Variants in GMNN observed in about 807,000 individuals in gnomAD.
The protein encoded by GMNN is geminin.
In GMNN, 14 loss-of-function variants were observed where a neutral mutation model predicts 20.9. The observed-to-expected ratio is 0.67, with a 90% CI of 0.44 to 1.05. GMNN has a LOEUF of 1.05. Among genes scored for constraint, GMNN ranks in the 50% least tolerant of loss-of-function variants. The probability of loss-of-function intolerance (pLI) is 0.00; values close to 1 mark genes in which losing one functional copy is unlikely to be tolerated. For missense variants in GMNN, 227 were observed against 243.8 expected (o/e 0.93, Z 0.46); for synonymous variants, 81 against 85.8 (o/e 0.94, Z 0.31).
At chr6:24,776,023 C>G (rs775118392) in intron 1 of GMNN, among the ~76,000 whole-genome samples, 2 of 152,102 alleles carry the variant, frequency 1.3e-5, no homozygotes, top group Non-Finnish European at 2.9e-5. Flanking sequence ...TACTGGGGCC[C>G]GAACACCATT....
chr6:24,782,313 C>T (rs1021973000), intron 4 of GMNN, among the ~76,000 whole-genome samples: 2 of 151,962 alleles, frequency 1.3e-5, no homozygotes, highest in Non-Finnish European at 1.5e-5. Context: ...AAGAATTATG[C>T]CTATAATAAG....
chr6:24,776,984 G>A (rs1780088647), intron 1 of GMNN: 1 of 267,958 alleles, frequency 3.7e-6, no homozygotes, highest in Non-Finnish European at 7.0e-6. Flanking sequence ...TTAGAAATTG[G>A]TTTAAAATAC....
At chr6:24,779,803 AT>A (rs1006234420) in intron 2 of GMNN, among the ~76,000 whole-genome samples, 2 of 152,256 alleles carry the variant, frequency 1.3e-5, no homozygotes, top group African/African-American at 4.8e-5. Context: ...TTGTTTACAT[AT>A]TACAAGGAAG....
intron 4 of GMNN, among the ~76,000 whole-genome samples, chr6:24,783,549 C>T (rs1484948414): frequency 1.3e-5 from 2 of 152,072 alleles, no homozygotes; most frequent in Non-Finnish European, 2.9e-5. Flanking sequence ...AAAAAGTTAT[C>T]TTTACAAGGC....
chr6:24,785,645 A>G lies in GMNN; in HGVS notation c.476A>G (p.Asn159Ser). 1 of 1,483,340 alleles carries G rather than the reference A, an allele frequency of 6.7e-7. No individual in the cohort carries two copies. Among genetic ancestry groups the G allele is most frequent in the South Asian group, 1.2e-5 (1 of 83,412 alleles). 91.9% of individuals were successfully genotyped at this position (1,483,340 alleles called of 1,614,324 possible). The change falls in exon 7 of 7, where the codon AAT (asparagine) becomes AGT (serine). Residue 159 changes from asparagine to serine, a missense_variant. Asn to Ser is a conservative substitution (Grantham distance 46). Transcript: ENST00000230056. ...QYMAELIERLNGEPLDNFESL... is the reference protein window; with the variant it reads ...QYMAELIERLSGEPLDNFESL... ...TGGTTTATTCTTTAAAAGAGACTGA[A>G]TGGTGAACCTCTGGATAATTTTGAA...
chr6:24,775,777 T>A (rs945986487), intron 1 of GMNN: 1 of 152,252 alleles, frequency 6.6e-6, no homozygotes, highest in African/African-American at 2.4e-5. Flanking sequence ...GTGGGAAACT[T>A]GTGAAGGATT....
chr6:24,781,673 A>C (rs1354297445), intron 4 of GMNN, 52 bp downstream of exon 4: 1 of 811,202 alleles, frequency 1.2e-6, no homozygotes, highest in Admixed American at 2.7e-5. Flanking sequence ...GATATAAGGA[A>C]AAATTTGTTA....
Position 24,780,691 on chromosome 6 carries a change from A to G in GMNN, c.80A>G (p.Lys27Arg). ...AGTTCTGTCCCAAGAAGAACTCTGA[A>G]GATGATTCAGCCTTCTGCATCTGGA... ...KNSSVPRRTL[K>R]MIQPSASGSL... The change falls in exon 3 of 7, where the codon AAG (lysine) becomes AGG (arginine). Residue 27 changes from lysine (K) to arginine (R), a missense_variant. By Grantham distance (26) the Lys-to-Arg change is conservative. Coordinates refer to ENST00000230056, the MANE Select transcript of GMNN (RefSeq NM_015895.5). 6.3e-7 allele frequency: 1 copy of G among 1,599,510 alleles called. No individual in the cohort carries two copies. The highest frequency in any genetic ancestry group is 8.6e-7 in the Non-Finnish European group (1 of 1,166,830).
Position 24,782,646 on chromosome 6 carries a change from CAT to C in GMNN, c.274+1028_274+1029del, listed in dbSNP as rs1201463141. Among the ~76,000 whole-genome samples the C allele has an allele frequency of 2.0e-5, 3 of 152,116 alleles. No homozygotes were observed. The East Asian group carries it at 5.8e-4, about 29-fold the overall frequency. On this transcript the variant is annotated intron_variant, in intron 4 of 6. Coordinates refer to ENST00000230056, the MANE Select transcript of GMNN (RefSeq NM_015895.5). ...ATTGAAGAGCAGGATTTGTGACACTCATATCTGATTAGGTTAAAAATTAAATC... is the reference window on the plus strand; with the variant it reads ...ATTGAAGAGCAGGATTTGTGACACTCATCTGATTAGGTTAAAAATTAAATC...
At position 24,776,074 on chromosome 6, in the gene GMNN, C is replaced by T. The variant is rs553317546; in HGVS notation, c.-26+830C>T. Reference sequence around the variant, plus strand: ...AGAGTAGAAAATAGCAGGATGCCCGCACAAATTAGATTGTTTTGTTTTCTA... The same window carrying T: ...AGAGTAGAAAATAGCAGGATGCCCGTACAAATTAGATTGTTTTGTTTTCTA... On this transcript the variant is annotated intron_variant, in intron 1 of 6. Transcript: ENST00000230056. 8.6e-5 allele frequency among the ~76,000 whole-genome samples: 13 copies of T among 151,954 alleles called. No individual in the cohort carries two copies. In the East Asian group the frequency reaches 2.5e-3, roughly 29 times the overall value.
chr6:24,777,319 A>AT (rs111973967), intron 2 of GMNN, 22 bp downstream of exon 2: 15,880 of 944,496 alleles, frequency 0.017, 369 homozygotes, highest in African/African-American at 0.1. Flanking sequence ...AATAACTTTA[A>AT]TTTTTTTTTG....
chr6:24,777,390 T>C (rs1780101503), intron 2 of GMNN, 93 bp downstream of exon 2: 2 of 523,114 alleles, frequency 3.8e-6, no homozygotes, highest in Non-Finnish European at 6.8e-6. Flanking sequence ...CTGGCTATAA[T>C]TTCTGTAAGC....
At chr6:24,779,523 G>A (rs1780151305) in intron 2 of GMNN, among the ~76,000 whole-genome samples, 4 of 152,146 alleles carry the variant, frequency 2.6e-5, no homozygotes, top group Non-Finnish European at 4.4e-5. Context: ...AAATGTTGAT[G>A]TAATATTTGT....
chr6:24,782,787 A>G (rs1372814138), intron 4 of GMNN, among the ~76,000 whole-genome samples: 2 of 152,176 alleles, frequency 1.3e-5, no homozygotes, highest in African/African-American at 2.4e-5. Context: ...TCTGCGATAC[A>G]TGGTAAAAAT....
intron 6 of GMNN, 77 bp downstream of exon 6, chr6:24,784,631 T>C: frequency 4.5e-6 from 3 of 662,694 alleles, no homozygotes; most frequent in Admixed American, 2.4e-5. Context: ...GTGATCACTT[T>C]GAAGTGTTAG....
At chr6:24,784,256 A>G in intron 5 of GMNN, 87 bp downstream of exon 5, 1 of 775,364 alleles carries the variant, frequency 1.3e-6, no homozygotes, top group Non-Finnish European at 2.3e-6. Flanking sequence ...AATATGGGCT[A>G]GCTTTAGTAT....
At position 24,781,527 on chromosome 6, in the gene GMNN, T is replaced by G; in HGVS notation, c.180T>G (p.Ser60=). ...AACATCGGAATGACCACTTAACATC[T>G]ACAACTTCCAGCCCTGGGGTTATTG... ...KRKHRNDHLT[S]TTSSPGVIVP... is the part of the protein sequence containing the mutation. Residue 60 remains serine, a synonymous_variant, in exon 4 of 7, where the codon TCT becomes TCG. Transcript: ENST00000230056. 1.9e-6 allele frequency: 3 copies of G among 1,592,270 alleles called. No individual in the cohort carries two copies. Among genetic ancestry groups the G allele is most frequent in the Non-Finnish European group, 2.6e-6 (3 of 1,163,794 alleles).
At chr6:24,781,357 A>G in intron 3 of GMNN, 120 bp from the exon 4 acceptor site, 4 of 536,930 alleles carry the variant, frequency 7.4e-6, no homozygotes, top group Non-Finnish European at 1.3e-5. Context: ...TTTTTTAAAG[A>G]TCCAGAGATG....
At chr6:24,776,925 T>G (rs1256396749) in intron 1 of GMNN, 5 of 183,142 alleles carry the variant, frequency 2.7e-5, no homozygotes, top group African/African-American at 7.0e-5. Flanking sequence ...TTGCTTTTTC[T>G]GGTGACTATT....
Sources: allele counts gnomAD v4.1 joint callset (sites outside exome capture counted in the v4.1 genomes callset), GRCh38; gene constraint gnomAD v4.1.1; transcripts MANE v1.5; gene names NCBI Gene and HGNC (gene_info 2026-07-23, HGNC 2026-07-21).